VPS13A: variants seen among roughly 807,000 people sequenced by gnomAD.
The protein encoded by VPS13A is vacuolar protein sorting 13 homolog A.
VPS13A carries 264 observed loss-of-function variants against 390.9 expected under a neutral mutation model. That is an observed-to-expected ratio of 0.68 (90% CI 0.61 to 0.75). VPS13A has a LOEUF of 0.75. VPS13A is among the 30% of genes least tolerant of loss of function. The pLI is 0.00. For missense variants in VPS13A, 3,409 were observed against 3,733.9 expected, an observed-to-expected ratio of 0.91 and a Z score of 2.27; for synonymous variants, 1,231 against 1,227.1, an observed-to-expected ratio of 1.00 and a Z score of -0.07.
intron 70 of VPS13A, 50 bp from the exon 71 acceptor site, chr9:77,407,481 GAT>G: frequency 6.8e-7 from 1 of 1,477,430 alleles, no homozygotes; most frequent in Non-Finnish European, 9.5e-7. Context: ...TTTCTTTATG[GAT>G]TTTTACAACC....
chr9:77,344,022 C>A, intron 50 of VPS13A, 131 bp from the exon 51 acceptor site: 1 of 819,442 alleles, frequency 1.2e-6, no homozygotes, highest in South Asian at 1.9e-5. Context: ...TTTAAACAAC[C>A]CAATAACTAG....
At position 77,418,087 on chromosome 9, in the gene VPS13A, A is replaced by G. The variant is rs1413852124; in HGVS notation, c.*2081A>G. 3 of 152,216 alleles carry G rather than the reference A, an allele frequency of 2.0e-5. No homozygotes were observed. The highest frequency in any genetic ancestry group is 4.4e-5 in the Non-Finnish European group (3 of 68,034). 9.4% of individuals were successfully genotyped at this position (152,216 alleles called of 1,614,324 possible). A position where few individuals can be genotyped will look rare whatever the true frequency, so the allele number is the denominator to read the frequency against. ...GTCAGTGTTTTTAGCATCACATTTT[A>G]CAATTTACAGTTTTTGTTTGATTCT... is the stretch of plus-strand genomic sequence containing the variant. On this transcript the variant is annotated 3_prime_UTR_variant, in exon 72 of 72. Transcript: ENST00000360280.
chr9:77,370,215 A>G (rs1020126973), intron 63 of VPS13A, 42 bp from the exon 64 acceptor site: 5 of 1,595,464 alleles, frequency 3.1e-6, no homozygotes, highest in South Asian at 2.2e-5. Flanking sequence ...TTAAAAGTGA[A>G]TATAACTCAC....
chr9:77,379,327 G>A (rs1399815393), intron 67 of VPS13A, among the ~76,000 whole-genome samples: 4 of 150,102 alleles, frequency 2.7e-5, no homozygotes, highest in Non-Finnish European at 4.4e-5. Flanking sequence ...CGCAACCTCC[G>A]CCTCCCAAGT....
rs1564005354 is a variant in VPS13A, at chr9:77,416,149, A to C, written c.*143A>C. On this transcript the variant is annotated 3_prime_UTR_variant, in exon 72 of 72. Transcript: ENST00000360280. ...GCTAAAAAACAAAAACAAACAAAAA[A>C]ACAAAAACAAAAAAACAAAACCAGA... 1 of 996,682 alleles carries C rather than the reference A, an allele frequency of 1.0e-6. No homozygotes were observed. The highest frequency in any genetic ancestry group is 1.5e-6 in the Non-Finnish European group (1 of 660,196). 61.7% of individuals were successfully genotyped at this position (996,682 alleles called of 1,614,324 possible).
chr9:77,236,600 A>G (rs1488327098), intron 17 of VPS13A, among the ~76,000 whole-genome samples: 1 of 152,232 alleles, frequency 6.6e-6, no homozygotes, highest in Non-Finnish European at 1.5e-5. Flanking sequence ...TTATTTGGAA[A>G]TAGCCTTTGC....
chr9:77,392,834 T>C (rs1261635686), intron 68 of VPS13A, among the ~76,000 whole-genome samples: 1 of 147,764 alleles, frequency 6.8e-6, no homozygotes, highest in Non-Finnish European at 1.5e-5. Context: ...AAAAAAATCC[T>C]GATCATCTGA....
chr9:77,408,837 C>A (rs979017374), intron 71 of VPS13A, among the ~76,000 whole-genome samples: 3 of 152,234 alleles, frequency 2.0e-5, no homozygotes, highest in African/African-American at 7.2e-5. Flanking sequence ...CTCAAGGAGG[C>A]CTGCCTGCCT....
chr9:77,415,519 A>G (rs1230581494), intron 71 of VPS13A, among the ~76,000 whole-genome samples: 1 of 152,206 alleles, frequency 6.6e-6, no homozygotes, highest in Non-Finnish European at 1.5e-5. Flanking sequence ...TTATTTTAGA[A>G]TAGAAAATAT....
chr9:77,294,799 G>A (rs924652467), intron 32 of VPS13A, among the ~76,000 whole-genome samples: 7 of 152,048 alleles, frequency 4.6e-5, no homozygotes, highest in Admixed American at 1.3e-4. Context: ...CAAACTCATG[G>A]GCACAAGCAA....
chr9:77,352,463 G>A (rs950770811), intron 53 of VPS13A, among the ~76,000 whole-genome samples: 8 of 151,872 alleles, frequency 5.3e-5, no homozygotes, highest in African/African-American at 1.9e-4. Flanking sequence ...CCTATAAGTG[G>A]CCTTTCAGTT....
chr9:77,194,234 C>G (rs181749367), intron 1 of VPS13A, among the ~76,000 whole-genome samples: 60 of 152,134 alleles, frequency 3.9e-4, no homozygotes, highest in Middle Eastern at 3.4e-3. Context: ...CTGGTGGTTA[C>G]CTGGGGCTTG....
rs1429840005 is a variant in VPS13A, at chr9:77,275,528, G to A, written c.2543G>A (p.Cys848Tyr). 6.8e-6 allele frequency: 11 copies of A among 1,613,790 alleles called. No individual in the cohort carries two copies. In the South Asian group the frequency reaches 1.2e-4, roughly 18 times the overall value. ...GAGGAGGAATTTTTTGATGCACCAT[G>A]TAGTCCCTTGGAAGAACCTCTTCAG... ...DSEEEFFDAP[C>Y]SPLEEPLQFP... The change falls in exon 25 of 72, where the codon TGT (cysteine) becomes TAT (tyrosine). Residue 848 changes from cysteine to tyrosine, a missense_variant. By Grantham distance (194) the Cys-to-Tyr change is radical (BLOSUM62 -2). This residue lies in a region of VPS13A where 2,717 missense variants were observed against 2,917.4 expected (regional missense o/e 0.93). Coordinates refer to ENST00000360280, the MANE Select transcript of VPS13A (RefSeq NM_033305.3).
rs78827838 is a variant in VPS13A at position 77,224,910 on chromosome 9, C to G, written c.1162-1016C>G. ...TAAGAGATTGCAATAGCCACCCCAA[C>G]CTTCAGCAATCACCACCCTGATGAG... On this transcript the variant is annotated intron_variant, in intron 13 of 71. Coordinates refer to ENST00000360280, the MANE Select transcript of VPS13A (RefSeq NM_033305.3). Among the ~76,000 whole-genome samples the G allele has an allele frequency of 6.0e-3, 914 of 152,284 alleles. 35 individuals are homozygous for G. The East Asian group carries it at 0.12, about 20-fold the overall frequency.
intron 23 of VPS13A, among the ~76,000 whole-genome samples, chr9:77,263,169 C>T (rs192642709): frequency 6.7e-6 from 1 of 148,914 alleles, no homozygotes; most frequent in Non-Finnish European, 1.5e-5. Flanking sequence ...TGCAGTGGTG[C>T]GATCTTGGCT....
intron 68 of VPS13A, chr9:77,384,539 A>G: frequency 6.2e-7 from 1 of 1,609,870 alleles, no homozygotes; most frequent in South Asian, 1.1e-5. Context: ...AATTTGCCAT[A>G]CTCTACTAAC....
chr9:77,326,578 T>G (rs1224601507), intron 45 of VPS13A, among the ~76,000 whole-genome samples: 1 of 152,166 alleles, frequency 6.6e-6, no homozygotes, highest in Non-Finnish European at 1.5e-5. Flanking sequence ...TTTTTTTGTT[T>G]TTTTATTTTC....
rs2131654578 is a variant in VPS13A at position 77,405,894 on chromosome 9, T to C, written c.9306T>C (p.Phe3102=). The C allele has an allele frequency of 1.2e-6, 2 of 1,613,930 alleles. No homozygotes were observed. Among genetic ancestry groups the C allele is most frequent in the Non-Finnish European group, 1.7e-6 (2 of 1,179,986 alleles). The change falls in exon 70 of 72, where the codon TTT becomes TTC. Residue 3102 remains phenylalanine (F), a synonymous_variant. Transcript: ENST00000360280. The stretch of plus-strand genomic sequence containing the variant: ...TATTGTTTGTAACAAAGGGAACATT[T>C]GGACAACTCACGTGTGAGTGGCAGT... The part of the protein sequence containing the change: ...RGVLFVTKGT[F]GQLTCEWQYS...
At chr9:77,182,018 CTAGT>C (rs1564612446) in intron 1 of VPS13A, among the ~76,000 whole-genome samples, 1 of 152,158 alleles carries the variant, frequency 6.6e-6, no homozygotes, top group Non-Finnish European at 1.5e-5. Flanking sequence ...CATATATCAT[CTAGT>C]TAGAGAGGTG....
Sources: gnomAD v4.1 joint callset for allele counts (sites outside exome capture counted in the v4.1 genomes callset) on GRCh38, gnomAD v4.1.1 for gene constraint, gnomAD v4.1.1 regional missense constraint, MANE v1.5 for transcripts, NCBI Gene and HGNC (gene_info 2026-07-23, HGNC 2026-07-21) for gene names.